The following PDE10A variants were observed in gnomAD, a reference collection of about 807,000 sequenced individuals.
The protein encoded by PDE10A is cAMP and cAMP-inhibited cGMP 3',5'-cyclic phosphodiesterase 10A.
A neutral mutation model predicts 97.7 loss-of-function variants in PDE10A; 39 were observed. That is an observed-to-expected ratio of 0.40 (90% confidence interval 0.31 to 0.52). The LOEUF is 0.52. PDE10A is among the 20% of genes least tolerant of loss of function. The pLI, the probability that PDE10A is intolerant of heterozygous loss-of-function variation, is 0.56. For missense variants in PDE10A, 731 were observed against 1,047.8 expected, an observed-to-expected ratio of 0.70 and a Z score of 4.17; for synonymous variants, 371 against 376.8, an observed-to-expected ratio of 0.98 and a Z score of 0.18.
rs373468331 is a variant in PDE10A, at chr6:165,652,729, C to T, written c.865+9218G>A. 8.5e-5 allele frequency among the ~76,000 whole-genome samples: 13 copies of T among 152,336 alleles called. No homozygotes were observed. In the East Asian group the frequency reaches 2.5e-3, roughly 29 times the overall value. ...ATGCAAAGCCGCTTCTTACACAGTACTTACCAACTTTTAAAGGGCCAAATA... is the reference window on the plus strand; with the variant it reads ...ATGCAAAGCCGCTTCTTACACAGTATTTACCAACTTTTAAAGGGCCAAATA... On this transcript the variant is annotated intron_variant, in intron 1 of 21. Transcript: ENST00000539869.
intron 1 of PDE10A, among the ~76,000 whole-genome samples, chr6:165,835,114 TG>T (rs1256070615): frequency 6.6e-6 from 1 of 151,796 alleles, no homozygotes; most frequent in African/African-American, 2.4e-5. Flanking sequence ...CAGAGAGAGG[TG>T]GGGAAGGGCC....
chr6:165,547,339 A>T (rs1023944012), intron 1 of PDE10A, among the ~76,000 whole-genome samples: 1 of 152,148 alleles, frequency 6.6e-6, no homozygotes, highest in Non-Finnish European at 1.5e-5. Context: ...AGAGAAGCAC[A>T]CGGGTATTGA....
chr6:165,422,293 ACACATACG>A (rs1244721809), intron 10 of PDE10A, among the ~76,000 whole-genome samples: 2 of 151,806 alleles, frequency 1.3e-5, no homozygotes, highest in East Asian at 3.9e-4. Flanking sequence ...ACACGCATAC[ACACATACG>A]CATACACACA....
upstream of PDE10A, among the ~76,000 whole-genome samples, chr6:165,667,573 G>C (rs974583079): frequency 6.6e-6 from 1 of 151,194 alleles, no homozygotes; most frequent in Non-Finnish European, 1.5e-5. Context: ...AGATGCAAAT[G>C]GTTAAAACAA....
At chr6:165,468,445 T>C (rs1778793272) in intron 3 of PDE10A, among the ~76,000 whole-genome samples, 3 of 152,106 alleles carry the variant, frequency 2.0e-5, no homozygotes, top group African/African-American at 4.8e-5. Context: ...ATTACACAAT[T>C]TACAGGCTAC....
At chr6:165,613,418 T>C (rs183133933) in intron 1 of PDE10A, among the ~76,000 whole-genome samples, 341 of 152,232 alleles carry the variant, frequency 2.2e-3, no homozygotes, top group Non-Finnish European at 3.6e-3. Context: ...GATGGGCAGA[T>C]TGCTTGAGCT....
At position 165,650,412 on chromosome 6, in the gene PDE10A, A is replaced by G. The variant is rs377007134; in HGVS notation, c.865+11535T>C. ...ACCGCCCAGCAAGTGTTACATAAAC[A>G]GTTTCTTGTGTTTCTTCCCAGTTTC... is the stretch of plus-strand genomic sequence containing the variant. On this transcript the variant is annotated intron_variant, in intron 1 of 21. Coordinates refer to ENST00000539869, the MANE Select transcript of PDE10A (RefSeq NM_001385079.1). 2.2e-4 allele frequency among the ~76,000 whole-genome samples: 34 copies of G among 152,096 alleles called. No individual in the cohort carries two copies. In the East Asian group the frequency reaches 3.5e-3, roughly 16 times the overall value.
At chr6:165,623,556 G>A (rs1583666600) in intron 1 of PDE10A, among the ~76,000 whole-genome samples, 1 of 151,882 alleles carries the variant, frequency 6.6e-6, no homozygotes, top group Non-Finnish European at 1.5e-5. Context: ...ATCAAGGGAA[G>A]CACATCTAAA....
chr6:165,815,487 A>AGG (rs1462830261), intron 1 of PDE10A, among the ~76,000 whole-genome samples: 2 of 152,168 alleles, frequency 1.3e-5, no homozygotes, highest in Non-Finnish European at 2.9e-5. Flanking sequence ...GAAGGGTGGA[A>AGG]GGAGAGACAT....
At chr6:165,639,578 A>C (rs1789031267) in intron 1 of PDE10A, among the ~76,000 whole-genome samples, 1 of 151,982 alleles carries the variant, frequency 6.6e-6, no homozygotes, top group Non-Finnish European at 1.5e-5. Flanking sequence ...TCTCTACTAA[A>C]AATACAAAAA....
chr6:165,469,027 G>A (rs1275265934), intron 3 of PDE10A, among the ~76,000 whole-genome samples: 1 of 152,200 alleles, frequency 6.6e-6, no homozygotes, highest in Non-Finnish European at 1.5e-5. Context: ...TGCGAAAGAG[G>A]AATGTGTTTA....
At chr6:165,612,522 C>T (rs12213759) in intron 1 of PDE10A, among the ~76,000 whole-genome samples, 14,909 of 152,182 alleles carry the variant, frequency 0.098, 928 homozygotes, top group Non-Finnish European at 0.13. Flanking sequence ...GCGCCCGCCA[C>T]CATGTCCGGC....
chr6:165,883,705 C>T (rs1159117728), intron 1 of PDE10A, among the ~76,000 whole-genome samples: 4 of 152,076 alleles, frequency 2.6e-5, no homozygotes, highest in East Asian at 3.9e-4. Context: ...CTGGGATCCT[C>T]GCACACCCCA....
At chr6:165,676,279 C>A (rs1320767827) in intron 1 of PDE10A, among the ~76,000 whole-genome samples, 1 of 152,092 alleles carries the variant, frequency 6.6e-6, no homozygotes, top group Non-Finnish European at 1.5e-5. Context: ...CGATTGGGTA[C>A]AATATACACG....
chr6:165,782,946 T>A (rs1258723093), intron 1 of PDE10A, among the ~76,000 whole-genome samples: 3 of 152,186 alleles, frequency 2.0e-5, no homozygotes, highest in African/African-American at 7.2e-5. Context: ...ATACAGATGT[T>A]TGTGTGGTGT....
chr6:165,910,268 A>C (rs565657331), intron 1 of PDE10A, among the ~76,000 whole-genome samples: 7 of 152,226 alleles, frequency 4.6e-5, no homozygotes, highest in Non-Finnish European at 1.0e-4. Flanking sequence ...GATGCTAGTG[A>C]CAAGGTAGAC....
intron 2 of PDE10A, among the ~76,000 whole-genome samples, chr6:165,495,749 T>C (rs896857875): frequency 6.6e-6 from 1 of 152,212 alleles, no homozygotes; most frequent in Non-Finnish European, 1.5e-5. Flanking sequence ...AAGGCTGGTT[T>C]CACTAGACTC....
intron 2 of PDE10A, among the ~76,000 whole-genome samples, chr6:165,520,843 C>G (rs770095254): frequency 6.6e-6 from 1 of 152,122 alleles, no homozygotes; most frequent in African/African-American, 2.4e-5. Flanking sequence ...TCCCCAGAAA[C>G]AGACCAGTGA....
chr6:165,492,420 T>A (rs1248089398), intron 2 of PDE10A, among the ~76,000 whole-genome samples: 1 of 152,054 alleles, frequency 6.6e-6, no homozygotes, highest in Non-Finnish European at 1.5e-5. Context: ...AATAAAACTA[T>A]AGACAAATAT....
Sources: gnomAD v4.1 joint callset for allele counts (sites outside exome capture counted in the v4.1 genomes callset) on GRCh38, gnomAD v4.1.1 for gene constraint, MANE v1.5 for transcripts, NCBI Gene and HGNC (gene_info 2026-07-23, HGNC 2026-07-21) for gene names.